Variants in PRH1 observed in about 807,000 individuals in gnomAD.
The protein encoded by PRH1 is proline rich protein HaeIII subfamily 1, also known as salivary acidic proline-rich phosphoprotein 1/2.
In PRH1, 7 loss-of-function variants were observed where a neutral mutation model predicts 7.9. The ratio of observed to expected loss-of-function variants is 0.89; its 90% CI spans 0.50 to 1.67. The LOEUF (loss-of-function observed/expected upper bound fraction) is 1.67, where lower values mean the gene tolerates loss of function less well. Among genes scored for constraint, PRH1 ranks in the 40% most tolerant of loss-of-function variants. The probability of loss-of-function intolerance (pLI) is 0.00; values close to 1 mark genes in which losing one functional copy is unlikely to be tolerated. For synonymous variants in PRH1, 45 were observed against 80.8 expected (o/e 0.56, Z 2.38); for missense variants, 109 against 223.6 (o/e 0.49, Z 3.27).
chr12:11,158,488 C>T (rs1947319309), intron 1 of PRH1, among the ~76,000 whole-genome samples: 1 of 151,922 alleles, frequency 6.6e-6, no homozygotes, highest in South Asian at 2.1e-4. Flanking sequence ...CCTTGTATAT[C>T]ATATGTGCAT....
chr12:10,894,295 A>T (rs1368849403), intron 2 of PRH1, among the ~76,000 whole-genome samples: 1 of 150,762 alleles, frequency 6.6e-6, no homozygotes, highest in Non-Finnish European at 1.5e-5. Context: ...TCTGTTGTAG[A>T]TGGTCAAGAT....
chr12:10,956,588 T>TAA (rs1320508929), intron 2 of PRH1, among the ~76,000 whole-genome samples: 1 of 152,032 alleles, frequency 6.6e-6, no homozygotes, highest in Non-Finnish European at 1.5e-5. Context: ...GGAAGAGAAA[T>TAA]AAATAAAAGG....
At chr12:11,108,175 T>C (rs1011644368) in intron 1 of PRH1, among the ~76,000 whole-genome samples, 5 of 152,164 alleles carry the variant, frequency 3.3e-5, no homozygotes, top group African/African-American at 1.2e-4. Flanking sequence ...CTAGAAAAAT[T>C]TCAAACGGAT....
chr12:10,913,728 T>C (rs1233767902), intron 2 of PRH1, among the ~76,000 whole-genome samples: 1 of 152,180 alleles, frequency 6.6e-6, no homozygotes, highest in Non-Finnish European at 1.5e-5. Flanking sequence ...CAATAAAATA[T>C]TGTGGAAATG....
At chr12:10,896,236 AT>A in intron 2 of PRH1, among the ~76,000 whole-genome samples, 1 of 152,146 alleles carries the variant, frequency 6.6e-6, no homozygotes, top group Non-Finnish European at 1.5e-5. Context: ...TTACAATGCC[AT>A]CTTTTGCTTA....
At chr12:10,935,454 T>C (rs1207155509) in intron 2 of PRH1, among the ~76,000 whole-genome samples, 1 of 152,172 alleles carries the variant, frequency 6.6e-6, no homozygotes, top group East Asian at 1.9e-4. Context: ...TTATGAAAAC[T>C]GATAGAACTC....
intron 1 of PRH1, among the ~76,000 whole-genome samples, chr12:11,010,907 GT>G (rs1191900366): frequency 6.6e-6 from 1 of 151,358 alleles, no homozygotes. Context: ...TTTTCTTGAA[GT>G]TTCAAATACT....
rs983886464 is a variant in PRH1, at chr12:10,908,083, T to C, written c.-58-23808A>G. The C allele has an allele frequency of 2.1e-5, 6 of 289,864 alleles. No homozygotes were observed. In the Admixed American group the frequency reaches 2.4e-4, roughly 12 times the overall value. 18.0% of individuals were successfully genotyped at this position (289,864 alleles called of 1,614,324 possible). A position where few individuals can be genotyped will look rare whatever the true frequency, so the allele number is the denominator to read the frequency against. The stretch of plus-strand genomic sequence containing the variant: ...GAAGAGCCATTGCCAAACAAAAGAT[T>C]GTAGATTTACAATTAACATCTAAGT... On this transcript the variant is annotated intron_variant, in intron 2 of 3. Transcript: ENST00000539853.
chr12:11,138,161 A>G (rs1946607971), intron 1 of PRH1, among the ~76,000 whole-genome samples: 1 of 152,182 alleles, frequency 6.6e-6, no homozygotes, highest in Admixed American at 6.5e-5. Context: ...GCAGTTTTCA[A>G]TATGAAAATA....
At chr12:10,885,446 G>A (rs527285202), upstream of PRH1, among the ~76,000 whole-genome samples, 2 of 151,958 alleles carry the variant, frequency 1.3e-5, no homozygotes, top group African/African-American at 2.4e-5. Flanking sequence ...CTAAGTAAAG[G>A]TGTGTGGTAC....
At position 11,001,747 on chromosome 12, in the gene PRH1, G is replaced by A. The variant is rs180714860; in HGVS notation, c.-125-28026C>T. On this transcript the variant is annotated intron_variant, in intron 1 of 3. Transcript: ENST00000539853. ...AGGCTTTACTTTACCTGGCATCAGG[G>A]AGTGTTATAAATCAATTATTTAAAT... Among the ~76,000 whole-genome samples the A allele has an allele frequency of 7.9e-5, 12 of 152,236 alleles. No individual in the cohort carries two copies. The East Asian group carries it at 1.9e-3, about 24-fold the overall frequency.
At chr12:10,987,429 G>T (rs188439527) in intron 1 of PRH1, among the ~76,000 whole-genome samples, 268 of 152,060 alleles carry the variant, frequency 1.8e-3, no homozygotes, top group Non-Finnish European at 3.2e-3. Flanking sequence ...ATCATCCAAG[G>T]TTTTCTTGGG....
intron 1 of PRH1, among the ~76,000 whole-genome samples, chr12:11,098,342 G>C (rs1420083022): frequency 6.6e-6 from 1 of 151,742 alleles, no homozygotes; most frequent in African/African-American, 2.4e-5. Flanking sequence ...GTTAACTAAT[G>C]AGTTCAATGA....
At chr12:11,167,904 ATCATAT>A (rs1947628109) in intron 1 of PRH1, among the ~76,000 whole-genome samples, 1 of 148,392 alleles carries the variant, frequency 6.7e-6, no homozygotes. Flanking sequence ...TGCATGCTAT[ATCATAT>A]TCTTCCACAT....
At chr12:11,101,557 T>C (rs964619753) in intron 1 of PRH1, among the ~76,000 whole-genome samples, 4 of 152,196 alleles carry the variant, frequency 2.6e-5, no homozygotes. Context: ...CTATTCTTTA[T>C]TCAGCAAAAA....
chr12:10,927,640 A>G (rs1950141626), intron 2 of PRH1, among the ~76,000 whole-genome samples: 1 of 152,210 alleles, frequency 6.6e-6, no homozygotes, highest in Admixed American at 6.5e-5. Context: ...TGTTATCTGC[A>G]ACTCTTCAGA....
intron 1 of PRH1, chr12:11,047,002 C>T (rs956634553): frequency 2.0e-6 from 1 of 499,362 alleles, no homozygotes; most frequent in African/African-American, 1.9e-5. Flanking sequence ...GAAAACACGT[C>T]TAAGTGCTTT....
chr12:11,064,221 A>C (rs551531346), intron 1 of PRH1, among the ~76,000 whole-genome samples: 22 of 152,252 alleles, frequency 1.4e-4, no homozygotes, highest in African/African-American at 5.1e-4. Flanking sequence ...ATGCAACCCT[A>C]AACTCCATCG....
intron 1 of PRH1, among the ~76,000 whole-genome samples, chr12:11,019,145 A>G (rs1197165827): frequency 3.7e-3 from 566 of 152,248 alleles, no homozygotes; most frequent in African/African-American, 0.013. Context: ...GCCAAAGGGA[A>G]ATAGAAGACA....
Sources: allele counts gnomAD v4.1 joint callset (sites outside exome capture counted in the v4.1 genomes callset), GRCh38; gene constraint gnomAD v4.1.1; transcripts MANE v1.5; gene names NCBI Gene and HGNC (gene_info 2026-07-23, HGNC 2026-07-21).